ABCC6: variants seen among roughly 807,000 people sequenced by gnomAD.
The protein encoded by ABCC6 is ATP-binding cassette sub-family C member 6.
A neutral mutation model predicts 169.5 loss-of-function variants in ABCC6; 126 were observed. That is an observed-to-expected ratio of 0.74 (90% CI 0.64 to 0.86). ABCC6 has a LOEUF of 0.86. ABCC6 is among the 40% of genes least tolerant of loss of function. The pLI is 0.00. For synonymous variants in ABCC6, 752 were observed against 814.7 expected, an observed-to-expected ratio of 0.92 and a Z score of 1.31; for missense variants, 1,733 against 1,927.2, an observed-to-expected ratio of 0.90 and a Z score of 1.89.
intron 23 of ABCC6, among the ~76,000 whole-genome samples, chr16:16,165,358 G>A (rs773954809): frequency 3.3e-5 from 5 of 152,172 alleles, no homozygotes; most frequent in South Asian, 4.1e-4. Context: ...AGGCTGCAGG[G>A]AGCTATGATC....
chr16:16,199,261 G>T (rs1478173873), intron 9 of ABCC6, among the ~76,000 whole-genome samples: 3 of 147,796 alleles, frequency 2.0e-5, no homozygotes, highest in Non-Finnish European at 3.0e-5. Context: ...GAGACATCTC[G>T]ATTTTGGAAG....
Position 16,165,604 on chromosome 16 carries a change from C to T in ABCC6, c.3306+19G>A, listed in dbSNP as rs772000592. ...GTTGACCTCAGCCGGTCCCGGAAGCCTCCCTGACCTCTCCGTACCTGAAAC... is the reference window on the plus strand; with the variant it reads ...GTTGACCTCAGCCGGTCCCGGAAGCTTCCCTGACCTCTCCGTACCTGAAAC... On this transcript the variant is annotated intron_variant, in intron 23 of 30. Coordinates refer to ENST00000205557, the MANE Select transcript of ABCC6 (RefSeq NM_001171.6). 8 of 1,612,812 alleles carry T rather than the reference C, an allele frequency of 5.0e-6. No homozygotes were observed. The South Asian group carries it at 8.8e-5, about 18-fold the overall frequency.
At chr16:16,206,247 G>A (rs539800286) in intron 7 of ABCC6, among the ~76,000 whole-genome samples, 10 of 152,296 alleles carry the variant, frequency 6.6e-5, no homozygotes, top group Non-Finnish European at 1.2e-4. Context: ...AGGCCATTTA[G>A]TGCAGATCTC....
At chr16:16,150,497 C>T in intron 30 of ABCC6, 81 bp downstream of exon 30, 1 of 1,541,308 alleles carries the variant, frequency 6.5e-7, no homozygotes, top group South Asian at 1.2e-5. Context: ...AACCCGAAGC[C>T]CAGTGGCCCA....
At chr16:16,180,336 A>T (rs2047426253) in intron 17 of ABCC6, among the ~76,000 whole-genome samples, 1 of 152,180 alleles carries the variant, frequency 6.6e-6, no homozygotes, top group Non-Finnish European at 1.5e-5. Flanking sequence ...TCAAATATTT[A>T]TCTTTTGTAT....
intron 10 of ABCC6, among the ~76,000 whole-genome samples, chr16:16,195,565 C>T (rs185001806): frequency 6.6e-4 from 100 of 152,104 alleles, no homozygotes; most frequent in Non-Finnish European, 1.3e-3. Context: ...TGCCGGCCTT[C>T]ACCTCCCAAA....
intron 4 of ABCC6, among the ~76,000 whole-genome samples, chr16:16,215,877 C>T (rs1012842484): frequency 6.6e-6 from 1 of 152,128 alleles, no homozygotes; most frequent in Admixed American, 6.5e-5. Flanking sequence ...AATCATTTAT[C>T]CTTTCTGTTA....
chr16:16,180,470 T>C (rs2047430966), intron 17 of ABCC6, among the ~76,000 whole-genome samples: 1 of 152,134 alleles, frequency 6.6e-6, no homozygotes, highest in African/African-American at 2.4e-5. Context: ...GGCCTTCTTG[T>C]CTTTCATTCA....
intron 27 of ABCC6, 68 bp from the exon 28 acceptor site, chr16:16,155,099 T>TGG: frequency 4.0e-6 from 6 of 1,512,832 alleles, no homozygotes; most frequent in Non-Finnish European, 5.3e-6. Context: ...GGGGAGATCT[T>TGG]TCTGCTGTAC....
At chr16:16,215,908 T>G (rs1484546822) in intron 4 of ABCC6, among the ~76,000 whole-genome samples, 1 of 152,208 alleles carries the variant, frequency 6.6e-6, no homozygotes, top group Non-Finnish European at 1.5e-5. Flanking sequence ...ATTCTACTCT[T>G]GTAGTTATTT....
chr16:16,165,914 G>A lies in ABCC6; in HGVS notation c.3015C>T (p.Ser1005=), dbSNP rs1207134948. ...CCCCACCTAGGAGCACCGCAGCCAT[G>A]GAGGCAAACAGCCCAATGGCTGGGG... The part of the protein sequence containing the change: ...GCLQAIGLFA[S]MAAVLLGGAR... Residue 1005 remains serine (S), a synonymous_variant, in exon 23 of 31, where the codon TCC becomes TCT. Coordinates refer to ENST00000205557, the MANE Select transcript of ABCC6 (RefSeq NM_001171.6). The A allele has an allele frequency of 1.9e-6, 3 of 1,612,938 alleles. No homozygotes were observed. Among genetic ancestry groups the A allele is most frequent in the Non-Finnish European group, 2.5e-6 (3 of 1,180,002 alleles).
Position 16,154,938 on chromosome 16 carries a change from C to T in ABCC6, c.3976G>A (p.Asp1326Asn), listed in dbSNP as rs766105758. 23 of 1,598,382 alleles carry T rather than the reference C, an allele frequency of 1.4e-5. No homozygotes were observed. Among genetic ancestry groups the T allele is most frequent in the East Asian group, 2.3e-5 (1 of 43,916 alleles). The change falls in exon 28 of 31, where the codon GAC (aspartate) becomes AAC (asparagine). Residue 1326 changes from aspartate (D) to asparagine (N), a missense_variant. Physicochemically the swap from Asp to Asn is conservative, Grantham distance 23. Coordinates refer to ENST00000205557, the MANE Select transcript of ABCC6 (RefSeq NM_001171.6). ...QEAAEGGIWI[D>N]GVPIAHVGLH... The stretch of plus-strand genomic sequence containing the variant: ...CCCACGTGGGCAATGGGGACCCCGT[C>T]GATCCAGATCCCACCCTCAGCTGCC...
At chr16:16,197,515 G>A (rs548242335) in intron 10 of ABCC6, among the ~76,000 whole-genome samples, 1 of 150,930 alleles carries the variant, frequency 6.6e-6, no homozygotes, top group South Asian at 2.1e-4. Context: ...AGGGAGGACG[G>A]TAGAGGAGAA....
At position 16,198,086 on chromosome 16, in the gene ABCC6, G is replaced by A. The variant is rs2048113785; in HGVS notation, c.1273C>T (p.Leu425Phe). The A allele has an allele frequency of 1.9e-6, 3 of 1,613,856 alleles. No homozygotes were observed. The highest frequency in any genetic ancestry group is 2.5e-6 in the Non-Finnish European group (3 of 1,179,980). The change falls in exon 10 of 31, where the codon CTC (leucine) becomes TTC (phenylalanine). Residue 425 changes from leucine to phenylalanine, a missense_variant. Physicochemically the swap from Leu to Phe is conservative, Grantham distance 22. Transcript: ENST00000205557. The stretch of plus-strand genomic sequence containing the variant: ...GGCAGCCACAGCCCGTTGAGGTAGA[G>A]GACGCTCTCGGTCAGCCGCTGCACG... ...VDVQRLTESV[L>F]YLNGLWLPLV...
At chr16:16,187,088 C>CAA in intron 14 of ABCC6, 36 bp downstream of exon 14, 4 of 1,512,284 alleles carry the variant, frequency 2.6e-6, no homozygotes, top group Non-Finnish European at 3.7e-6. Flanking sequence ...CATCCCCCAT[C>CAA]CCTCCCACAC....
Position 16,151,746 on chromosome 16 carries a change from A to G in ABCC6, c.4209-974T>C, listed in dbSNP as rs77906628. On this transcript the variant is annotated intron_variant, in intron 29 of 30. Transcript: ENST00000205557. ...TAGATATTATTGTTCTCTTCTTTTG[A>G]GAGAAGAGGACACAGATACAGAGAA... Among the ~76,000 whole-genome samples the G allele has an allele frequency of 2.0e-5, 3 of 152,134 alleles. No individual in the cohort carries two copies. The East Asian group carries it at 5.8e-4, about 29-fold the overall frequency.
Position 16,200,914 on chromosome 16 carries a change from T to C in ABCC6, c.1176+1087A>G, listed in dbSNP as rs528841747. ...AAAGCTATGGCCTCCAACCAGGTATTCACAGTCAATGGACAGAACTTCCAG... is the reference window on the plus strand; with the variant it reads ...AAAGCTATGGCCTCCAACCAGGTATCCACAGTCAATGGACAGAACTTCCAG... On this transcript the variant is annotated intron_variant, in intron 9 of 30. Transcript: ENST00000205557. 1.8e-4 allele frequency among the ~76,000 whole-genome samples: 28 copies of C among 151,718 alleles called. 1 individual carries two copies. The highest frequency in any genetic ancestry group is 6.8e-4 in the African/African-American group (28 of 41,456).
chr16:16,203,262 C>T, intron 8 of ABCC6, 148 bp downstream of exon 8: 1 of 1,398,004 alleles, frequency 7.2e-7, no homozygotes, highest in Non-Finnish European at 9.8e-7. Context: ...AATCCATTTC[C>T]CTTCCTCAGT....
chr16:16,157,507 G>C (rs954344322), intron 27 of ABCC6, among the ~76,000 whole-genome samples, 156 bp downstream of exon 27: 1 of 152,152 alleles, frequency 6.6e-6, no homozygotes, highest in Admixed American at 6.5e-5. Context: ...GTTTGGGGAA[G>C]GTGAGGAGTT....
Sources: allele counts gnomAD v4.1 joint callset (sites outside exome capture counted in the v4.1 genomes callset), GRCh38; gene constraint gnomAD v4.1.1; transcripts MANE v1.5; gene names NCBI Gene and HGNC (gene_info 2026-07-23, HGNC 2026-07-21).